Variants in MEGF6 observed in about 807,000 individuals in gnomAD.
The protein encoded by MEGF6 is multiple EGF like domains 6.
Under a neutral mutation model 207.1 loss-of-function variants are expected in MEGF6, and 184 were observed. The observed-to-expected ratio is 0.89, with a 90% CI of 0.79 to 1.00. MEGF6 has a LOEUF of 1.00. MEGF6 is among the 50% of genes least tolerant of loss of function. The pLI, the probability that MEGF6 is intolerant of heterozygous loss-of-function variation, is 0.00. For synonymous variants in MEGF6, 1,038 were observed against 910.0 expected (o/e 1.14, Z -2.53); for missense variants, 2,282 against 2,202.9 (o/e 1.04, Z -0.72).
intron 4 of MEGF6, among the ~76,000 whole-genome samples, chr1:3,570,583 T>C (rs1643467048): frequency 6.6e-6 from 1 of 152,136 alleles, no homozygotes; most frequent in African/African-American, 2.4e-5. Context: ...CCAGGTGCTC[T>C]GTCCACCCGC....
In MEGF6 at chr1:3,488,247, G is replaced by C. The variant is rs1640218344; in HGVS notation, c.*2281C>G. ...TTCTGCTTTATTTTCCTCTGCTCCT[G>C]ACCGCCGTTGGATAGCTGAGATTTC... On this transcript the variant is annotated 3_prime_UTR_variant, in exon 37 of 37. Transcript: ENST00000356575. Among the ~76,000 whole-genome samples the C allele has an allele frequency of 6.6e-6, 1 of 152,188 alleles. No individual in the cohort carries two copies. The highest frequency in any genetic ancestry group is 2.4e-5 in the African/African-American group (1 of 41,428).
In MEGF6 at chr1:3,509,126, C is replaced by T. The variant is rs755873456; in HGVS notation, c.1477G>A (p.Asp493Asn). ...QLFQDDDVGADEEEAELRGEH... is the reference protein window; with the variant it reads ...QLFQDDDVGANEEEAELRGEH... ...CCCCGCAACTCTGCCTCTTCCTCAT[C>T]GGCCCCGACGTCGTCATCCTGGAAG... The change falls in exon 12 of 37, where the codon GAT becomes AAT. Residue 493 changes from aspartate (D) to asparagine (N), a missense_variant. Coordinates refer to ENST00000356575, the MANE Select transcript of MEGF6 (RefSeq NM_001409.4). The T allele has an allele frequency of 2.8e-5, 45 of 1,601,140 alleles. No individual in the cohort carries two copies. In the African/African-American group the frequency reaches 4.0e-4, roughly 14 times the overall value.
intron 4 of MEGF6, among the ~76,000 whole-genome samples, chr1:3,563,586 G>A (rs569209361): frequency 4.6e-5 from 7 of 152,362 alleles, no homozygotes; most frequent in East Asian, 1.9e-4. Flanking sequence ...TTAGAAGAAC[G>A]CACTTTGCTG....
rs938041872 is a variant in MEGF6 at position 3,509,957 on chromosome 1, C to T, written c.1270G>A (p.Glu424Lys). Reference sequence around the variant, plus strand: ...CCGGCCAGGTTGGTGCAGTGGTGCTCGCAGCCGCCACGGCTGGAGGCGCAC... The same window carrying T: ...CCGGCCAGGTTGGTGCAGTGGTGCTTGCAGCCGCCACGGCTGGAGGCGCAC... ...DECASSRGGCEHHCTNLAGSF... is the reference protein window; with the variant it reads ...DECASSRGGCKHHCTNLAGSF... Residue 424 changes from glutamate (E) to lysine (K), a missense_variant, in exon 11 of 37, where the codon GAG becomes AAG. By Grantham distance (56) the Glu-to-Lys change is moderately conservative (BLOSUM62 1). Transcript: ENST00000356575. 4.4e-6 allele frequency: 7 copies of T among 1,582,444 alleles called. No individual in the cohort carries two copies. The highest frequency in any genetic ancestry group is 5.1e-6 in the Non-Finnish European group (6 of 1,169,254).
intron 4 of MEGF6, among the ~76,000 whole-genome samples, chr1:3,564,691 G>A (rs1034865985): frequency 2.0e-5 from 3 of 152,144 alleles, no homozygotes; most frequent in African/African-American, 7.2e-5. Context: ...CCCAAAGCAG[G>A]GGTATGGCCC....
intron 3 of MEGF6, among the ~76,000 whole-genome samples, chr1:3,591,729 C>CTGGAGGGAACTGAGCCCAGTACTGAG (rs1643981993): frequency 1.4e-5 from 2 of 146,782 alleles, no homozygotes; most frequent in Admixed American, 6.7e-5. Flanking sequence ...CACAAGGGAC[C>CTGGAGGGAACTGAGCCCAGTACTGAG]CGATGGGGGC....
At chr1:3,510,938 G>A in intron 9 of MEGF6, 36 bp from the exon 10 acceptor site, 1 of 1,577,094 alleles carries the variant, frequency 6.3e-7, no homozygotes, top group Non-Finnish European at 8.7e-7. Flanking sequence ...CTGGTACCAG[G>A]CACCTGCACG....
At chr1:3,516,598 A>C (rs1327535470) in intron 5 of MEGF6, among the ~76,000 whole-genome samples, 1 of 152,142 alleles carries the variant, frequency 6.6e-6, no homozygotes, top group Non-Finnish European at 1.5e-5. Context: ...CCTGGGGCCG[A>C]GTCTGGGGAA....
At chr1:3,617,547 G>A in the MEGF6 span, among the ~76,000 whole-genome samples, 2 of 152,064 alleles carry the variant, frequency 1.3e-5, no homozygotes, top group Non-Finnish European at 2.9e-5. Context: ...ACCAGGTGAC[G>A]GCTGACCTGC....
chr1:3,496,551 G>A (rs1430805939), intron 29 of MEGF6, 104 bp downstream of exon 29: 7 of 1,500,100 alleles, frequency 4.7e-6, no homozygotes, highest in Non-Finnish European at 6.3e-6. Context: ...GGGGGCTGAA[G>A]GGCAGGGAGG....
intron 4 of MEGF6, among the ~76,000 whole-genome samples, chr1:3,549,033 G>A (rs1279310121): frequency 6.6e-6 from 1 of 152,148 alleles, no homozygotes; most frequent in Non-Finnish European, 1.5e-5. Flanking sequence ...CATGCTGGCT[G>A]GGACCCCGCC....
intron 4 of MEGF6, among the ~76,000 whole-genome samples, chr1:3,551,815 G>A (rs1570120816): frequency 6.6e-6 from 1 of 152,172 alleles, no homozygotes; most frequent in East Asian, 1.9e-4. Flanking sequence ...CCACTCAGGT[G>A]ATCACCCTGC....
At position 3,568,351 on chromosome 1, in the gene MEGF6, G is replaced by A. The variant is rs200935016; in HGVS notation, c.481+11474C>T. ...CTCCAGGAACACGGCAGGGGAATGG[G>A]GGCTTCGGTAGTGGTCCTAGGTCCC... On this transcript the variant is annotated intron_variant, in intron 4 of 36. Coordinates refer to ENST00000356575, the MANE Select transcript of MEGF6 (RefSeq NM_001409.4). Among the ~76,000 whole-genome samples the A allele has an allele frequency of 2.0e-5, 3 of 148,762 alleles. No homozygotes were observed. The East Asian group carries it at 5.8e-4, about 29-fold the overall frequency.
At position 3,494,638 on chromosome 1, in the gene MEGF6, G is replaced by T; in HGVS notation, c.3975C>A (p.Gly1325=). The change falls in exon 31 of 37, where the codon GGC becomes GGA. Residue 1325 remains glycine (G), a synonymous_variant. Coordinates refer to ENST00000356575, the MANE Select transcript of MEGF6 (RefSeq NM_001409.4). Reference sequence around the variant, plus strand: ...CCAGCTCGCAGTGCCGCCCCGTCCAGCCCAGGCCACAGGAGCAGCTGCCGT... The same window carrying T: ...CCAGCTCGCAGTGCCGCCCCGTCCATCCCAGGCCACAGGAGCAGCTGCCGT... ...ASNGSCSCGL[G]WTGRHCELAC... 1 of 1,563,684 alleles carries T rather than the reference G, an allele frequency of 6.4e-7. No homozygotes were observed. The highest frequency in any genetic ancestry group is 8.7e-7 in the Non-Finnish European group (1 of 1,155,838).
chr1:3,522,745 G>A (rs1014418688), intron 5 of MEGF6, among the ~76,000 whole-genome samples: 6 of 152,102 alleles, frequency 3.9e-5, no homozygotes, highest in African/African-American at 1.4e-4. Flanking sequence ...GCCAGGAGAA[G>A]GGATTAGAGG....
At chr1:3,603,273 G>C (rs765545912) in intron 1 of MEGF6, among the ~76,000 whole-genome samples, 1 of 151,556 alleles carries the variant, frequency 6.6e-6, no homozygotes, top group South Asian at 2.1e-4. Flanking sequence ...CACCGGGCTC[G>C]GAGCAGGTGG....
Position 3,506,135 on chromosome 1 carries a change from C to A in MEGF6, c.1891G>T (p.Gly631Trp). Reference sequence around the variant, plus strand: ...AGGTGGCAGAAGCGGCCGTAGAGCCCTGGGTCGCAGAGGCAGGCCCCGTAG... The same window carrying A: ...AGGTGGCAGAAGCGGCCGTAGAGCCATGGGTCGCAGAGGCAGGCCCCGTAG... ...RLYGACLCDPGLYGRFCHLTC... is the reference protein window; with the variant it reads ...RLYGACLCDPWLYGRFCHLTC... The change falls in exon 15 of 37, where the codon GGG becomes TGG. Residue 631 changes from glycine to tryptophan, a missense_variant. Coordinates refer to ENST00000356575, the MANE Select transcript of MEGF6 (RefSeq NM_001409.4). The A allele has an allele frequency of 6.3e-7, 1 of 1,598,168 alleles. No homozygotes were observed. The highest frequency in any genetic ancestry group is 8.5e-7 in the Non-Finnish European group (1 of 1,173,052).
At chr1:3,531,400 G>A (rs976985631) in intron 4 of MEGF6, 140 of 1,154,524 alleles carry the variant, frequency 1.2e-4, no homozygotes, top group Middle Eastern at 3.6e-4. Context: ...GGCGCCGCCC[G>A]GGAGCCGCTC....
At chr1:3,528,762 A>G (rs1012807584) in intron 4 of MEGF6, among the ~76,000 whole-genome samples, 1 of 152,112 alleles carries the variant, frequency 6.6e-6, no homozygotes, top group Non-Finnish European at 1.5e-5. Flanking sequence ...CGGCCTCTAT[A>G]AAGCTGAAAG....
Sources: allele counts gnomAD v4.1 joint callset (sites outside exome capture counted in the v4.1 genomes callset), GRCh38; gene constraint gnomAD v4.1.1; transcripts MANE v1.5; gene names NCBI Gene and HGNC (gene_info 2026-07-23, HGNC 2026-07-21).